CASD1: variants seen among roughly 807,000 people sequenced by gnomAD.
The protein encoded by CASD1 is N-acetylneuraminate (7)9-O-acetyltransferase.
CASD1 carries 41 observed loss-of-function variants against 100.0 expected under a neutral mutation model. That is an observed-to-expected ratio of 0.41 (90% CI 0.32 to 0.53). The LOEUF is 0.53. Ranked by LOEUF, CASD1 falls within the 20% of genes least tolerant of loss-of-function variation. CASD1 has a pLI of 0.25. For synonymous variants in CASD1, 321 were observed against 315.6 expected (o/e 1.02, Z -0.18); for missense variants, 774 against 948.7 (o/e 0.82, Z 2.42).
chr7:94,591,181 A>G, the CASD1 span, among the ~76,000 whole-genome samples: 1 of 152,242 alleles, frequency 6.6e-6, no homozygotes, highest in East Asian at 1.9e-4. Context: ...AAAAGTAAAA[A>G]GATCAATTTA....
chr7:94,535,463 T>G lies in CASD1; in HGVS notation c.783T>G (p.Ala261=). The part of the protein sequence containing the change: ...VKMFSVSKLI[A]QETIMESLDG... ...TGTTCAGTGTTTCCAAATTAATTGC[T>G]CAAGAAACCATCATGGAATCTTTGG... Residue 261 remains alanine, a synonymous_variant, in exon 8 of 18, where the codon GCT becomes GCG. Coordinates refer to ENST00000297273, the MANE Select transcript of CASD1 (RefSeq NM_022900.5). The G allele has an allele frequency of 6.2e-7, 1 of 1,613,746 alleles. No individual in the cohort carries two copies. The highest frequency in any genetic ancestry group is 1.3e-5 in the African/African-American group (1 of 75,028).
intron 3 of CASD1, among the ~76,000 whole-genome samples, chr7:94,526,158 T>C (rs1361391540): frequency 5.3e-5 from 8 of 152,226 alleles, no homozygotes; most frequent in Non-Finnish European, 1.0e-4. Flanking sequence ...TAGATGTTGC[T>C]ACAGCAACAA....
chr7:94,541,088 T>C (rs1386178196), intron 10 of CASD1, among the ~76,000 whole-genome samples: 2 of 152,110 alleles, frequency 1.3e-5, no homozygotes, highest in Non-Finnish European at 2.9e-5. Flanking sequence ...AAGGACATGC[T>C]TTTCACTAAC....
chr7:94,520,254 A>G (rs933105731), intron 3 of CASD1, among the ~76,000 whole-genome samples: 3 of 152,168 alleles, frequency 2.0e-5, no homozygotes, highest in Admixed American at 6.5e-5. Context: ...TTTTAAATAT[A>G]TTTCTTGTCC....
At chr7:94,515,499 A>G (rs1053185828) in intron 1 of CASD1, among the ~76,000 whole-genome samples, 1 of 151,960 alleles carries the variant, frequency 6.6e-6, no homozygotes, top group African/African-American at 2.4e-5. Context: ...GATGTGGGTA[A>G]TAGTATTGAC....
the CASD1 span, among the ~76,000 whole-genome samples, chr7:94,583,118 C>A: frequency 6.6e-6 from 1 of 152,210 alleles, no homozygotes; most frequent in Non-Finnish European, 1.5e-5. Flanking sequence ...TACTTGGAGG[C>A]ACTGACCTTG....
intron 8 of CASD1, among the ~76,000 whole-genome samples, chr7:94,536,281 TA>T (rs1272142063): frequency 6.6e-6 from 1 of 152,172 alleles, no homozygotes; most frequent in Non-Finnish European, 1.5e-5. Flanking sequence ...TCTTCTATCC[TA>T]AGCATTATTC....
At chr7:94,579,996 A>G in the CASD1 span, among the ~76,000 whole-genome samples, 2 of 152,214 alleles carry the variant, frequency 1.3e-5, no homozygotes, top group East Asian at 1.9e-4. Context: ...CCTCAACACT[A>G]TTTCCAAAGT....
At chr7:94,616,709 T>A in the CASD1 span, among the ~76,000 whole-genome samples, 1 of 152,202 alleles carries the variant, frequency 6.6e-6, no homozygotes, top group Admixed American at 6.5e-5. Context: ...TGATTTTATA[T>A]AACAACTAAA....
chr7:94,526,434 G>C (rs1426109164), intron 3 of CASD1, among the ~76,000 whole-genome samples: 1 of 152,192 alleles, frequency 6.6e-6, no homozygotes, highest in African/African-American at 2.4e-5. Flanking sequence ...TAGCCATGTG[G>C]CTCTGCCTAA....
the CASD1 span, chr7:94,618,437 T>C: frequency 7.9e-6 from 2 of 252,708 alleles, no homozygotes; most frequent in South Asian, 1.3e-4. Flanking sequence ...AGCTAATAAC[T>C]GGGGCGTCAA....
At chr7:94,546,786 G>A (rs1795702577) in intron 12 of CASD1, among the ~76,000 whole-genome samples, 2 of 151,792 alleles carry the variant, frequency 1.3e-5, no homozygotes, top group African/African-American at 4.8e-5. Flanking sequence ...TCCAGATTTT[G>A]CTGTAACTTT....
the CASD1 span, among the ~76,000 whole-genome samples, chr7:94,633,378 G>A: frequency 1.3e-5 from 2 of 152,074 alleles, no homozygotes; most frequent in African/African-American, 2.4e-5. Context: ...AATTTTTTAA[G>A]TAATAATTAC....
At chr7:94,513,275 A>C (rs1449632397) in intron 1 of CASD1, among the ~76,000 whole-genome samples, 5 of 149,388 alleles carry the variant, frequency 3.3e-5, no homozygotes, top group Non-Finnish European at 7.4e-5. Flanking sequence ...GCAGTGAGCC[A>C]AGATCGCATC....
At chr7:94,567,624 G>C in the CASD1 span, among the ~76,000 whole-genome samples, 1 of 152,178 alleles carries the variant, frequency 6.6e-6, no homozygotes, top group East Asian at 1.9e-4. Flanking sequence ...GGGAAGCTAT[G>C]TGGAGAGAAC....
chr7:94,513,436 C>T (rs1793818630), intron 1 of CASD1, among the ~76,000 whole-genome samples: 2 of 151,322 alleles, frequency 1.3e-5, no homozygotes, highest in African/African-American at 4.9e-5. Context: ...ATGTTTTTTC[C>T]TTATTTTCCC....
chr7:94,521,951 G>T (rs746834612), intron 3 of CASD1, among the ~76,000 whole-genome samples: 2 of 152,182 alleles, frequency 1.3e-5, no homozygotes, highest in African/African-American at 2.4e-5. Context: ...TGGGCATGAT[G>T]GTGGGCACCT....
chr7:94,548,283 T>G (rs1229593687), intron 13 of CASD1, among the ~76,000 whole-genome samples: 4 of 151,876 alleles, frequency 2.6e-5, no homozygotes, highest in Non-Finnish European at 5.9e-5. Flanking sequence ...TATTTGTTTA[T>G]TGATCACATA....
chr7:94,625,670 T>C, the CASD1 span: 1 of 152,140 alleles, frequency 6.6e-6, no homozygotes, highest in African/African-American at 2.4e-5. Context: ...TAGTACTTTT[T>C]TTTAATTGAA....
Sources: gnomAD v4.1 joint callset for allele counts (sites outside exome capture counted in the v4.1 genomes callset) on GRCh38, gnomAD v4.1.1 for gene constraint, MANE v1.5 for transcripts, NCBI Gene and HGNC (gene_info 2026-07-23, HGNC 2026-07-21) for gene names.